Variants in DTNB observed in about 807,000 individuals in gnomAD.
DTNB encodes dystrobrevin beta, also known as DTN-B.
A neutral mutation model predicts 90.7 loss-of-function variants in DTNB; 63 were observed. The observed-to-expected ratio is 0.69, with a 90% CI of 0.57 to 0.86. The LOEUF is 0.86. Among genes scored for constraint, DTNB ranks in the 40% least tolerant of loss-of-function variants. The probability of loss-of-function intolerance (pLI) is 0.00; values close to 1 mark genes in which losing one functional copy is unlikely to be tolerated. For synonymous variants in DTNB, 277 were observed against 286.7 expected (o/e 0.97, Z 0.34); for missense variants, 744 against 807.1 (o/e 0.92, Z 0.95).
chr2:25,594,846 T>A (rs1040122121), intron 6 of DTNB: 1 of 152,202 alleles, frequency 6.6e-6, no homozygotes, highest in Admixed American at 6.5e-5. Context: ...TACGTACAAA[T>A]ATCAAAATCA....
At chr2:25,592,532 A>G (rs2063766116) in intron 6 of DTNB, among the ~76,000 whole-genome samples, 1 of 152,110 alleles carries the variant, frequency 6.6e-6, no homozygotes, top group Non-Finnish European at 1.5e-5. Context: ...AAACAACTAA[A>G]CTACATAATC....
At chr2:25,634,338 G>A (rs1336832111) in intron 3 of DTNB, among the ~76,000 whole-genome samples, 6 of 137,572 alleles carry the variant, frequency 4.4e-5, no homozygotes, top group African/African-American at 7.9e-5. Flanking sequence ...GGAGGTGGGG[G>A]GGTCAGCCCC....
intron 8 of DTNB, among the ~76,000 whole-genome samples, chr2:25,541,911 A>C (rs1433558672): frequency 6.6e-6 from 1 of 152,248 alleles, no homozygotes; most frequent in East Asian, 1.9e-4. Context: ...TAGGGTCGCC[A>C]ATAAAATGTT....
At chr2:25,418,471 C>T (rs1227462079) in intron 16 of DTNB, among the ~76,000 whole-genome samples, 8 of 152,152 alleles carry the variant, frequency 5.3e-5, no homozygotes, top group African/African-American at 1.9e-4. Context: ...GAGGCTGAGG[C>T]AGGCGGATCA....
chr2:25,484,362 G>T (rs1431780688), intron 9 of DTNB, among the ~76,000 whole-genome samples: 1 of 152,224 alleles, frequency 6.6e-6, no homozygotes, highest in Non-Finnish European at 1.5e-5. Flanking sequence ...TAAGGACAGA[G>T]TTAATTATGT....
rs1383464793 is a variant in DTNB, at chr2:25,377,562, G to A, written c.*30-9C>T. 3.3e-5 allele frequency: 5 copies of A among 152,696 alleles called. No homozygotes were observed. In the East Asian group the frequency reaches 7.5e-4, roughly 23 times the overall value. The allele number at this position is 152,696 out of a possible 1,614,324, so 9.5% of individuals were successfully genotyped here. A position where few individuals can be genotyped will look rare whatever the true frequency, so the allele number is the denominator to read the frequency against. On this transcript the variant is annotated splice_polypyrimidine_tract_variant and intron_variant, in intron 20 of 20. Transcript: ENST00000406818. ...CTCCTCGTCCTCTGTGCCTGCGCAAGACACACTCACCGTTAGTCACGGGCA... is the reference window on the plus strand; with the variant it reads ...CTCCTCGTCCTCTGTGCCTGCGCAAAACACACTCACCGTTAGTCACGGGCA...
At chr2:25,405,536 T>A (rs1386974815) in intron 16 of DTNB, among the ~76,000 whole-genome samples, 2 of 151,902 alleles carry the variant, frequency 1.3e-5, no homozygotes, top group Non-Finnish European at 2.9e-5. Flanking sequence ...CAAGACTCCA[T>A]CTCTAAATAA....
Position 25,427,549 on chromosome 2 carries a change from T to A in DTNB, c.1540A>T (p.Met514Leu). The A allele has an allele frequency of 6.2e-7, 1 of 1,613,778 alleles. No homozygotes were observed. Among genetic ancestry groups the A allele is most frequent in the Non-Finnish European group, 8.5e-7 (1 of 1,179,802 alleles). ...RELMVQLEEL[M>L]KLLKEEEQKQ... ...CGGGCTCTTACCTTCAGCAACTTCATCAGCTCTTCCAGCTGGACCATCAGC... is the reference window on the plus strand; with the variant it reads ...CGGGCTCTTACCTTCAGCAACTTCAACAGCTCTTCCAGCTGGACCATCAGC... The change falls in exon 15 of 21, where the codon ATG becomes TTG. Residue 514 changes from methionine to leucine, a missense_variant. Transcript: ENST00000406818.
chr2:25,525,943 C>A (rs1366705417), intron 9 of DTNB, among the ~76,000 whole-genome samples: 2 of 152,018 alleles, frequency 1.3e-5, no homozygotes, highest in Non-Finnish European at 2.9e-5. Flanking sequence ...CCAATCCCCA[C>A]CACCTCCAGC....
chr2:25,423,769 C>G (rs1001685216), intron 15 of DTNB, among the ~76,000 whole-genome samples: 1 of 151,940 alleles, frequency 6.6e-6, no homozygotes, highest in Non-Finnish European at 1.5e-5. Flanking sequence ...AAGCGATTCT[C>G]CTGTCTCAGC....
At chr2:25,479,308 G>A (rs144735396) in intron 10 of DTNB, among the ~76,000 whole-genome samples, 23 of 152,256 alleles carry the variant, frequency 1.5e-4, no homozygotes, top group African/African-American at 5.3e-4. Flanking sequence ...AGAACAGTAC[G>A]CAGCATAAGA....
chr2:25,479,985 A>G (rs1313459526), intron 10 of DTNB, among the ~76,000 whole-genome samples: 1 of 152,184 alleles, frequency 6.6e-6, no homozygotes, highest in Non-Finnish European at 1.5e-5. Flanking sequence ...CTGGCCACAC[A>G]GGTCTGTCCA....
rs1296708933 is a variant in DTNB at position 25,673,541 on chromosome 2, T to TCGCGCCGCTTCTCCGCCCGGCA, written c.-179_-158dup. 2.0e-5 allele frequency: 3 copies of TCGCGCCGCTTCTCCGCCCGGCA among 147,796 alleles called. No individual in the cohort carries two copies. The East Asian group carries it at 6.0e-4, about 30-fold the overall frequency. The allele number at this position is 147,796 out of a possible 1,614,324, so 9.2% of individuals were successfully genotyped here. Reference sequence around the variant, plus strand: ...GCGGCGAACGTTCGCAGCGCCCGGCTCGCGCCGCTTCTCCGCCCGGCACGC... The same window carrying TCGCGCCGCTTCTCCGCCCGGCA: ...GCGGCGAACGTTCGCAGCGCCCGGCTCGCGCCGCTTCTCCGCCCGGCACGCGCCGCTTCTCCGCCCGGCACGC... On this transcript the variant is annotated 5_prime_UTR_variant, in exon 1 of 21. Coordinates refer to ENST00000406818, the MANE Select transcript of DTNB (RefSeq NM_021907.5).
intron 1 of DTNB, among the ~76,000 whole-genome samples, chr2:25,662,113 G>T (rs540203248): frequency 6.6e-6 from 1 of 151,550 alleles, no homozygotes; most frequent in Non-Finnish European, 1.5e-5. Context: ...CTGAGATTGT[G>T]TCACTGCACG....
chr2:25,579,390 G>T (rs899918909), intron 7 of DTNB, among the ~76,000 whole-genome samples: 1 of 152,202 alleles, frequency 6.6e-6, no homozygotes. Flanking sequence ...ATAGGAAAGC[G>T]AGAAAATAAA....
intron 3 of DTNB, among the ~76,000 whole-genome samples, chr2:25,630,156 T>C (rs892973335): frequency 1.3e-5 from 2 of 152,202 alleles, no homozygotes; most frequent in Non-Finnish European, 1.5e-5. Flanking sequence ...ATTAGTCATT[T>C]AGGGAAATGC....
chr2:25,573,667 C>T (rs950639875), intron 8 of DTNB, among the ~76,000 whole-genome samples: 7 of 152,146 alleles, frequency 4.6e-5, no homozygotes, highest in African/African-American at 1.2e-4. Flanking sequence ...GGGTGTGAGG[C>T]GTGCCTTCCA....
intron 14 of DTNB, 189 bp from the exon 15 acceptor site, chr2:25,427,820 TAATAG>T: frequency 2.1e-6 from 1 of 477,136 alleles, no homozygotes. Context: ...GTTCTGAGAA[TAATAG>T]GTAAAAGTGC....
chr2:25,659,339 T>G (rs2082692243), intron 1 of DTNB, among the ~76,000 whole-genome samples: 4 of 152,132 alleles, frequency 2.6e-5, no homozygotes, highest in Non-Finnish European at 5.9e-5. Context: ...AGACCAGAGC[T>G]TGGGCCATAA....
Sources: gnomAD v4.1 joint callset for allele counts (sites outside exome capture counted in the v4.1 genomes callset) on GRCh38, gnomAD v4.1.1 for gene constraint, MANE v1.5 for transcripts, NCBI Gene and HGNC (gene_info 2026-07-23, HGNC 2026-07-21) for gene names.